The following RBFOX1 variants were observed in gnomAD, a reference collection of about 807,000 sequenced individuals.
RBFOX1 encodes RNA binding fox-1 homolog 1.
A neutral mutation model predicts 57.7 loss-of-function variants in RBFOX1; 8 were observed. That is an observed-to-expected ratio of 0.14 (90% CI 0.08 to 0.25). The LOEUF is 0.25. RBFOX1 is among the 10% of genes least tolerant of loss of function. The pLI, the probability that RBFOX1 is intolerant of heterozygous loss-of-function variation, is 1.00. For synonymous variants in RBFOX1, 326 were observed against 222.4 expected, an observed-to-expected ratio of 1.47 and a Z score of -4.15; for missense variants, 611 against 548.5, an observed-to-expected ratio of 1.11 and a Z score of -1.14.
intron 3 of RBFOX1, among the ~76,000 whole-genome samples, chr16:6,682,008 A>C: frequency 6.6e-6 from 1 of 152,208 alleles, no homozygotes; most frequent in African/African-American, 2.4e-5. Flanking sequence ...TTATCTCAGA[A>C]GGATACACCC....
exon 2 of RBFOX1, chr16:5,467,242 G>A (rs190033785): frequency 6.7e-7 from 1 of 1,499,168 alleles, no homozygotes; most frequent in African/African-American, 1.4e-5. Flanking sequence ...CATACAGCCT[G>A]GTTGAGGGTC....
chr16:7,696,134 C>G (rs1488896979), intron 14 of RBFOX1, among the ~76,000 whole-genome samples: 1 of 152,186 alleles, frequency 6.6e-6, no homozygotes, highest in Non-Finnish European at 1.5e-5. Context: ...TTTTCATTAA[C>G]ATTTGTGGTC....
intron 1 of RBFOX1, among the ~76,000 whole-genome samples, chr16:5,328,312 G>C (rs2341516): frequency 0.87 from 131,913 of 152,194 alleles, 60,361 homozygotes; most frequent in East Asian, 1. Context: ...GAGACTGCAA[G>C]GATGCATGCA....
intron 4 of RBFOX1, among the ~76,000 whole-genome samples, chr16:5,916,284 T>C (rs1219043179): frequency 6.6e-6 from 1 of 152,206 alleles, no homozygotes; most frequent in African/African-American, 2.4e-5. Context: ...TCTCGGATTA[T>C]TCTTAATTCC....
chr16:6,352,229 T>A (rs1265571197), intron 2 of RBFOX1, among the ~76,000 whole-genome samples: 1 of 152,190 alleles, frequency 6.6e-6, no homozygotes, highest in East Asian at 1.9e-4. Context: ...TCTGGAATGT[T>A]GTGTATTAAC....
intron 1 of RBFOX1, among the ~76,000 whole-genome samples, chr16:5,388,868 C>T (rs558772026): frequency 2.0e-3 from 299 of 151,654 alleles, no homozygotes; most frequent in African/African-American, 6.6e-3. Context: ...TGAGTCACCG[C>T]GCCTTGCCAG....
chr16:5,651,273 G>C (rs1489899240), intron 3 of RBFOX1, among the ~76,000 whole-genome samples: 1 of 151,798 alleles, frequency 6.6e-6, no homozygotes, highest in Non-Finnish European at 1.5e-5. Flanking sequence ...GGCTGGTCTG[G>C]AACTCCTGGC....
At position 6,959,086 on chromosome 16, in the gene RBFOX1, T is replaced by C. The variant is rs2082417890; in HGVS notation, c.-15-92971T>C. ...ATTATAGTTCTTAAGTGCATAAAGATAGGCATTTTCTTTTTTCTATCGGCT... is the reference window on the plus strand; with the variant it reads ...ATTATAGTTCTTAAGTGCATAAAGACAGGCATTTTCTTTTTTCTATCGGCT... On this transcript the variant is annotated intron_variant, in intron 3 of 15. Transcript: ENST00000550418. Among the ~76,000 whole-genome samples, 3 of 152,312 alleles carry C rather than the reference T, an allele frequency of 2.0e-5. No homozygotes were observed. The South Asian group carries it at 6.2e-4, about 32-fold the overall frequency.
chr16:5,794,182 C>T (rs556711103), intron 3 of RBFOX1, among the ~76,000 whole-genome samples: 1 of 152,162 alleles, frequency 6.6e-6, no homozygotes, highest in Non-Finnish European at 1.5e-5. Flanking sequence ...ATCTCTAAGT[C>T]ATGGGGTTAT....
intron 1 of RBFOX1, among the ~76,000 whole-genome samples, chr16:6,155,480 T>C (rs1227245630): frequency 2.0e-5 from 3 of 152,324 alleles, no homozygotes; most frequent in African/African-American, 7.2e-5. Context: ...CCCCCGTTCA[T>C]GTAAAGCACT....
At chr16:6,084,006 A>C (rs2096050025) in intron 1 of RBFOX1, among the ~76,000 whole-genome samples, 1 of 152,180 alleles carries the variant, frequency 6.6e-6, no homozygotes, top group Non-Finnish European at 1.5e-5. Context: ...AGAAAATGAG[A>C]GAAAATTTAG....
chr16:7,002,409 A>T (rs900063610), intron 3 of RBFOX1, among the ~76,000 whole-genome samples: 1 of 152,238 alleles, frequency 6.6e-6, no homozygotes, highest in Admixed American at 6.5e-5. Context: ...AAAGAGATTT[A>T]AAAAAGATCT....
intron 1 of RBFOX1, among the ~76,000 whole-genome samples, chr16:5,381,136 A>G (rs1340572276): frequency 1.3e-5 from 2 of 152,190 alleles, no homozygotes; most frequent in African/African-American, 4.8e-5. Context: ...GGGACTGAGG[A>G]ATCAGAAGAG....
At chr16:6,149,455 A>G (rs2096782472) in intron 1 of RBFOX1, among the ~76,000 whole-genome samples, 1 of 152,214 alleles carries the variant, frequency 6.6e-6, no homozygotes, top group Non-Finnish European at 1.5e-5. Flanking sequence ...CTTTGCTTTT[A>G]CCATCTTGAA....
intron 1 of RBFOX1, among the ~76,000 whole-genome samples, chr16:6,252,995 A>C (rs1275065887): frequency 1.3e-5 from 2 of 152,148 alleles, no homozygotes; most frequent in East Asian, 3.9e-4. Flanking sequence ...TATCTCTGTG[A>C]GGTAGGAACT....
In RBFOX1 at chr16:7,368,647, G is replaced by A. The variant is rs1382068743; in HGVS notation, c.28-149500G>A. Among the ~76,000 whole-genome samples, 5 of 151,950 alleles carry A rather than the reference G, an allele frequency of 3.3e-5. No individual in the cohort carries two copies. In the East Asian group the frequency reaches 9.7e-4, roughly 30 times the overall value. On this transcript the variant is annotated intron_variant, in intron 4 of 15. Transcript: ENST00000550418. ...CAAAAAAAATTAGCCAGGCGTGGTG[G>A]CGGGCACCTGTAGTCCCAGCTACTC...
intron 3 of RBFOX1, among the ~76,000 whole-genome samples, chr16:6,955,085 C>G (rs574465082): frequency 2.8e-5 from 4 of 141,590 alleles, no homozygotes; most frequent in African/African-American, 1.1e-4. Flanking sequence ...AAAAAACACA[C>G]AAAAAATTAG....
At chr16:5,401,170 GTTTA>G (rs1217834923) in intron 1 of RBFOX1, among the ~76,000 whole-genome samples, 1 of 152,028 alleles carries the variant, frequency 6.6e-6, no homozygotes, top group Non-Finnish European at 1.5e-5. Context: ...TTGGCTAAAG[GTTTA>G]TTTATACTTT....
chr16:6,522,391 G>A (rs768963253), intron 2 of RBFOX1, among the ~76,000 whole-genome samples: 6 of 152,128 alleles, frequency 3.9e-5, no homozygotes, highest in East Asian at 1.9e-4. Context: ...TACCCAAGCT[G>A]GCCATTTATC....
Sources: allele counts gnomAD v4.1 joint callset (sites outside exome capture counted in the v4.1 genomes callset), GRCh38; gene constraint gnomAD v4.1.1; transcripts MANE v1.5; gene names NCBI Gene and HGNC (gene_info 2026-07-23, HGNC 2026-07-21).